AGBL1: variants seen among roughly 807,000 people sequenced by gnomAD.
The protein encoded by AGBL1 is cytosolic carboxypeptidase 4.
Under a neutral mutation model 118.9 loss-of-function variants are expected in AGBL1, and 130 were observed. The ratio of observed to expected loss-of-function variants is 1.09; its 90% CI spans 0.95 to 1.26. AGBL1 has a LOEUF of 1.26. AGBL1 is among the 50% of genes most tolerant of loss of function. The probability of loss-of-function intolerance (pLI) is 0.00; values close to 1 mark genes in which losing one functional copy is unlikely to be tolerated. For synonymous variants in AGBL1, 555 were observed against 478.9 expected, an observed-to-expected ratio of 1.16 and a Z score of -2.08; for missense variants, 1,584 against 1,298.1, an observed-to-expected ratio of 1.22 and a Z score of -3.38.
intron 5 of AGBL1, among the ~76,000 whole-genome samples, chr15:86,210,470 G>T (rs1015769579): frequency 3.9e-5 from 6 of 152,062 alleles, no homozygotes; most frequent in African/African-American, 1.2e-4. Context: ...TGTATATTTG[G>T]TCTTTCCCAT....
intron 18 of AGBL1, among the ~76,000 whole-genome samples, chr15:86,402,999 T>C (rs900529768): frequency 1.2e-4 from 19 of 152,200 alleles, no homozygotes; most frequent in African/African-American, 4.3e-4. Context: ...TTCTTGACAC[T>C]TAAAAATCTT....
intron 21 of AGBL1, among the ~76,000 whole-genome samples, chr15:86,661,095 T>C (rs2085530145): frequency 6.6e-6 from 1 of 152,162 alleles, no homozygotes; most frequent in Non-Finnish European, 1.5e-5. Context: ...AACCAAAAGA[T>C]GTCTGTAAGT....
chr15:86,492,548 C>T (rs1445885236), intron 18 of AGBL1, among the ~76,000 whole-genome samples: 4 of 149,318 alleles, frequency 2.7e-5, no homozygotes, highest in Admixed American at 2.7e-4. Context: ...TGAGATCACA[C>T]CACTGGACTC....
intron 18 of AGBL1, among the ~76,000 whole-genome samples, chr15:86,412,696 T>C (rs1375957163): frequency 6.6e-6 from 1 of 152,172 alleles, no homozygotes; most frequent in Non-Finnish European, 1.5e-5. Flanking sequence ...GTCTTAGTCG[T>C]CTACACATTT....
At chr15:86,430,487 C>T (rs1160742222) in intron 18 of AGBL1, among the ~76,000 whole-genome samples, 2 of 138,474 alleles carry the variant, frequency 1.4e-5, no homozygotes, top group South Asian at 4.6e-4. Flanking sequence ...AAAGCGCCGT[C>T]GCAAAAAAAA....
At chr15:86,951,563 A>T (rs1402335535) in intron 23 of AGBL1, among the ~76,000 whole-genome samples, 1 of 152,198 alleles carries the variant, frequency 6.6e-6, no homozygotes, top group East Asian at 1.9e-4. Flanking sequence ...GATGCAAAAG[A>T]TCATATTAAC....
chr15:86,896,291 A>C (rs1188322607), intron 22 of AGBL1, among the ~76,000 whole-genome samples: 1 of 151,974 alleles, frequency 6.6e-6, no homozygotes, highest in Non-Finnish European at 1.5e-5. Context: ...AGTCTTGTTC[A>C]AGGTGGATTA....
At chr15:86,519,026 G>A (rs962913975) in intron 18 of AGBL1, among the ~76,000 whole-genome samples, 8 of 151,820 alleles carry the variant, frequency 5.3e-5, no homozygotes, top group Non-Finnish European at 8.8e-5. Context: ...CTTTATTTGT[G>A]AAAAACAAAA....
At position 86,231,196 on chromosome 15, in the gene AGBL1, A is replaced by T. The variant is rs1429771413; in HGVS notation, c.526+6245A>T. ...TTTTTCCTACTGGGTATAGCTCCAAAGGAACTGGGATTCTACTGGATCCCC... is the reference window on the plus strand; with the variant it reads ...TTTTTCCTACTGGGTATAGCTCCAATGGAACTGGGATTCTACTGGATCCCC... On this transcript the variant is annotated intron_variant, in intron 6 of 22. Coordinates refer to ENST00000614907, the MANE Select transcript of AGBL1 (RefSeq NM_001386094.1). 2.0e-5 allele frequency among the ~76,000 whole-genome samples: 3 copies of T among 152,214 alleles called. No homozygotes were observed. The East Asian group carries it at 5.8e-4, about 29-fold the overall frequency.
chr15:86,878,517 C>T (rs773757434), intron 22 of AGBL1, among the ~76,000 whole-genome samples: 3 of 152,126 alleles, frequency 2.0e-5, no homozygotes, highest in Non-Finnish European at 4.4e-5. Context: ...GGGTGCTCCT[C>T]GGTACTTCTA....
At chr15:86,500,342 C>CACACA (rs1292605078) in intron 18 of AGBL1, among the ~76,000 whole-genome samples, 2 of 151,746 alleles carry the variant, frequency 1.3e-5, no homozygotes. Context: ...GTTGCAGATT[C>CACACA]ACACAAGAAA....
chr15:86,845,598 T>C (rs2079306824), intron 22 of AGBL1, among the ~76,000 whole-genome samples: 1 of 152,208 alleles, frequency 6.6e-6, no homozygotes, highest in Non-Finnish European at 1.5e-5. Context: ...ACTGGCCCCA[T>C]ATATTGAGAA....
chr15:86,217,587 A>G (rs538060423), intron 5 of AGBL1, among the ~76,000 whole-genome samples: 1 of 152,332 alleles, frequency 6.6e-6, no homozygotes, highest in South Asian at 2.1e-4. Flanking sequence ...GAGTCTTTCT[A>G]CAGGAAATGA....
chr15:86,408,251 T>C (rs2081560500), intron 18 of AGBL1, among the ~76,000 whole-genome samples: 1 of 152,190 alleles, frequency 6.6e-6, no homozygotes, highest in Non-Finnish European at 1.5e-5. Context: ...ATATTCTCTG[T>C]AGAAATGATG....
At chr15:86,525,417 C>A (rs79946702) in intron 19 of AGBL1, among the ~76,000 whole-genome samples, 4,528 of 151,906 alleles carry the variant, frequency 0.03, 98 homozygotes, top group East Asian at 0.071. Flanking sequence ...TATATGGAAC[C>A]AAAAAATAGC....
chr15:86,775,484 G>A lies in AGBL1; in HGVS notation c.3158+101048G>A, dbSNP rs147973262. 1.2e-3 allele frequency among the ~76,000 whole-genome samples: 176 copies of A among 152,266 alleles called. 1 individual carries two copies. Among genetic ancestry groups the A allele is most frequent in the African/African-American group, 4.1e-3 (171 of 41,560 alleles). Reference sequence around the variant, plus strand: ...TTGGTGCATCTTAGAGTTAAATCCTGTGGTGGTGAGAGATGACATAGAAAT... The same window carrying A: ...TTGGTGCATCTTAGAGTTAAATCCTATGGTGGTGAGAGATGACATAGAAAT... On this transcript the variant is annotated intron_variant, in intron 22 of 22. Coordinates refer to ENST00000614907, the MANE Select transcript of AGBL1 (RefSeq NM_001386094.1).
intron 5 of AGBL1, among the ~76,000 whole-genome samples, chr15:86,216,634 C>T (rs575242366): frequency 6.6e-6 from 1 of 152,262 alleles, no homozygotes; most frequent in Non-Finnish European, 1.5e-5. Context: ...TGTGTGTAAT[C>T]CTTTTTACTT....
intron 22 of AGBL1, among the ~76,000 whole-genome samples, chr15:86,754,141 GTT>G (rs2077898305): frequency 6.6e-6 from 1 of 152,058 alleles, no homozygotes; most frequent in African/African-American, 2.4e-5. Context: ...TATATTTTAT[GTT>G]TGTGCAGATT....
chr15:86,428,462 T>A (rs879597612), intron 18 of AGBL1, among the ~76,000 whole-genome samples: 1 of 152,274 alleles, frequency 6.6e-6, no homozygotes, highest in Non-Finnish European at 1.5e-5. Context: ...ATACACGGAC[T>A]TCTTTAACTT....
Sources: gnomAD v4.1 joint callset for allele counts (sites outside exome capture counted in the v4.1 genomes callset) on GRCh38, gnomAD v4.1.1 for gene constraint, MANE v1.5 for transcripts, NCBI Gene and HGNC (gene_info 2026-07-23, HGNC 2026-07-21) for gene names.